The following TRAK2 variants were observed in gnomAD, a reference collection of about 807,000 sequenced individuals.
TRAK2 encodes trafficking kinesin-binding protein 2.
TRAK2 carries 81 observed loss-of-function variants against 104.6 expected under a neutral mutation model. The ratio of observed to expected loss-of-function variants is 0.77; its 90% CI spans 0.65 to 0.93. TRAK2 has a LOEUF of 0.93. Among genes scored for constraint, TRAK2 ranks in the 40% least tolerant of loss-of-function variants. TRAK2 has a pLI of 0.00. For missense variants in TRAK2, 1,002 were observed against 1,089.0 expected (o/e 0.92, Z 1.12); for synonymous variants, 406 against 394.4 (o/e 1.03, Z -0.35).
At chr2:201,449,785 C>T (rs1951997788) in intron 1 of TRAK2, among the ~76,000 whole-genome samples, 1 of 152,104 alleles carries the variant, frequency 6.6e-6, no homozygotes, top group African/African-American at 2.4e-5. Context: ...GCTGGGACTA[C>T]AGGCGCGTGC....
intron 1 of TRAK2, among the ~76,000 whole-genome samples, chr2:201,444,355 T>A (rs1951949091): frequency 6.6e-6 from 1 of 152,056 alleles, no homozygotes; most frequent in Admixed American, 6.5e-5. Flanking sequence ...CCTCATCTTG[T>A]ACCACTCTCC....
intron 8 of TRAK2, 94 bp downstream of exon 8, chr2:201,395,220 T>C (rs774588370): frequency 7.5e-5 from 80 of 1,071,416 alleles, no homozygotes; most frequent in Non-Finnish European, 1.0e-4. Flanking sequence ...GCAGGGACAA[T>C]GTTTATTTTG....
At chr2:201,404,178 T>A (rs1007238317) in intron 3 of TRAK2, among the ~76,000 whole-genome samples, 1 of 152,218 alleles carries the variant, frequency 6.6e-6, no homozygotes, top group Non-Finnish European at 1.5e-5. Context: ...AACCACAGAC[T>A]AGTTCTTCAC....
intron 1 of TRAK2, chr2:201,433,654 C>T (rs1464427452): frequency 6.6e-6 from 1 of 152,204 alleles, no homozygotes; most frequent in East Asian, 1.9e-4. Context: ...TCTTCACTAA[C>T]AGGAAAAGGG....
chr2:201,423,937 G>A (rs1951764507), intron 1 of TRAK2, among the ~76,000 whole-genome samples: 1 of 152,098 alleles, frequency 6.6e-6, no homozygotes, highest in Admixed American at 6.5e-5. Flanking sequence ...GTGTTACCCA[G>A]TGCAACATGA....
chr2:201,400,968 G>C (rs1379744960), intron 4 of TRAK2, 50 bp downstream of exon 4: 2 of 1,433,290 alleles, frequency 1.4e-6, no homozygotes, highest in African/African-American at 2.8e-5. Flanking sequence ...GATTCCAAAT[G>C]ATCCTCAAGT....
At chr2:201,393,431 C>T (rs903832519) in intron 9 of TRAK2, among the ~76,000 whole-genome samples, 7 of 152,206 alleles carry the variant, frequency 4.6e-5, no homozygotes, top group African/African-American at 1.4e-4. Flanking sequence ...CTGTAAGTGA[C>T]AAGATCAAGA....
At chr2:201,394,766 TCCTGAATTACA>T in intron 9 of TRAK2, 21 bp downstream of exon 9, 2 of 1,573,666 alleles carry the variant, frequency 1.3e-6, no homozygotes, top group African/African-American at 2.7e-5. Context: ...CTCTTTCCCC[TCCTGAATTACA>T]CAAGATAAAG....
chr2:201,410,394 A>G, intron 2 of TRAK2: 1 of 526,438 alleles, frequency 1.9e-6, no homozygotes, highest in Non-Finnish European at 3.4e-6. Context: ...TTAGAAGTCC[A>G]TACAACTACT....
In TRAK2 at chr2:201,380,329, A is replaced by C. The variant is rs1251609759; in HGVS notation, c.*214T>G. The C allele has an allele frequency of 1.7e-6, 1 of 588,606 alleles. No homozygotes were observed. The highest frequency in any genetic ancestry group is 2.8e-5 in the East Asian group (1 of 35,708). 36.5% of individuals were successfully genotyped at this position (588,606 alleles called of 1,614,324 possible). A position where few individuals can be genotyped will look rare whatever the true frequency, so the allele number is the denominator to read the frequency against. On this transcript the variant is annotated 3_prime_UTR_variant, in exon 16 of 16. Coordinates refer to ENST00000332624, the MANE Select transcript of TRAK2 (RefSeq NM_015049.3). The stretch of plus-strand genomic sequence containing the variant: ...ATTAAACCTTTCTTTTCTCCCTCTG[A>C]ACACTCATGGCCCATTCATTTATAC...
At chr2:201,407,372 C>T (rs1162258623) in intron 3 of TRAK2, 31 bp downstream of exon 3, 3 of 1,577,196 alleles carry the variant, frequency 1.9e-6, no homozygotes, top group Admixed American at 3.6e-5. Context: ...TACTTTAATG[C>T]ACAAACTAAA....
intron 2 of TRAK2, chr2:201,410,700 G>T: frequency 7.3e-7 from 1 of 1,366,880 alleles, no homozygotes. Flanking sequence ...TTACTGAACT[G>T]CCCGTAGCTG....
intron 4 of TRAK2, among the ~76,000 whole-genome samples, chr2:201,399,926 G>A (rs1424308794): frequency 6.6e-6 from 1 of 152,056 alleles, no homozygotes; most frequent in East Asian, 1.9e-4. Flanking sequence ...AGGTATTTAA[G>A]ATATGGATCA....
At position 201,389,783 on chromosome 2, in the gene TRAK2, C is replaced by T. The variant is rs759426315; in HGVS notation, c.1193+18G>A. 4 of 1,591,966 alleles carry T rather than the reference C, an allele frequency of 2.5e-6. No individual in the cohort carries two copies. The highest frequency in any genetic ancestry group is 2.6e-6 in the Non-Finnish European group (3 of 1,166,122). On this transcript the variant is annotated intron_variant, in intron 11 of 15. Coordinates refer to ENST00000332624, the MANE Select transcript of TRAK2 (RefSeq NM_015049.3). Reference sequence around the variant, plus strand: ...CTATTCCAATGATTGAGTAACAACACATGTGACCTGTACTTACTTTTGTTT... The same window carrying T: ...CTATTCCAATGATTGAGTAACAACATATGTGACCTGTACTTACTTTTGTTT...
At chr2:201,446,112 T>G (rs942179332) in intron 1 of TRAK2, among the ~76,000 whole-genome samples, 3 of 152,182 alleles carry the variant, frequency 2.0e-5, no homozygotes, top group Non-Finnish European at 4.4e-5. Flanking sequence ...TACTCAGGCT[T>G]GAAACCTTAC....
At chr2:201,398,024 AC>A in intron 6 of TRAK2, 120 bp downstream of exon 6, 1 of 926,834 alleles carries the variant, frequency 1.1e-6, no homozygotes, top group African/African-American at 1.6e-5. Flanking sequence ...CTTGTCCACG[AC>A]TCTCTAATTG....
At chr2:201,407,007 T>C (rs1951600318) in intron 3 of TRAK2, among the ~76,000 whole-genome samples, 1 of 152,212 alleles carries the variant, frequency 6.6e-6, no homozygotes, top group Admixed American at 6.5e-5. Context: ...TGTGACTGTG[T>C]TTACCAACGA....
chr2:201,384,426 A>G (rs1951370412), intron 14 of TRAK2, among the ~76,000 whole-genome samples: 1 of 152,196 alleles, frequency 6.6e-6, no homozygotes, highest in African/African-American at 2.4e-5. Context: ...AAAACTGTAA[A>G]GCAAAAGGCA....
chr2:201,431,473 G>A (rs914627340), intron 1 of TRAK2, among the ~76,000 whole-genome samples: 7 of 152,184 alleles, frequency 4.6e-5, no homozygotes, highest in Non-Finnish European at 8.8e-5. Context: ...ACTTGGCTCA[G>A]GGTTTCTTCC....
Sources: allele counts gnomAD v4.1 joint callset (sites outside exome capture counted in the v4.1 genomes callset), GRCh38; gene constraint gnomAD v4.1.1; transcripts MANE v1.5; gene names NCBI Gene and HGNC (gene_info 2026-07-23, HGNC 2026-07-21).